Variants in TEAD3 observed in about 807,000 individuals in gnomAD.
TEAD3 encodes TEA domain transcription factor 3, also known as transcriptional enhancer factor TEF-5.
A neutral mutation model predicts 55.6 loss-of-function variants in TEAD3; 15 were observed. The ratio of observed to expected loss-of-function variants is 0.27; its 90% CI spans 0.18 to 0.42. TEAD3 has a LOEUF of 0.42. Ranked by LOEUF, TEAD3 falls within the 10% of genes least tolerant of loss-of-function variation. The pLI, the probability that TEAD3 is intolerant of heterozygous loss-of-function variation, is 1.00. For synonymous variants in TEAD3, 210 were observed against 232.2 expected, an observed-to-expected ratio of 0.90 and a Z score of 0.87; for missense variants, 407 against 576.8, an observed-to-expected ratio of 0.71 and a Z score of 3.01.
intron 1 of TEAD3, among the ~76,000 whole-genome samples, chr6:35,494,854 C>T (rs1561809586): frequency 6.8e-6 from 1 of 147,616 alleles, no homozygotes; most frequent in Admixed American, 6.7e-5. Flanking sequence ...ACCAAGCCCC[C>T]CTGTCCCTTG....
At position 35,476,551 on chromosome 6, in the gene TEAD3, C is replaced by T. The variant is rs1554123824; in HGVS notation, c.593-116G>A. The T allele has an allele frequency of 3.0e-6, 4 of 1,338,694 alleles. No homozygotes were observed. In the Admixed American group the frequency reaches 5.9e-5, roughly 20 times the overall value. The allele number at this position is 1,338,694 out of a possible 1,614,324, so 82.9% of individuals were successfully genotyped here. On this transcript the variant is annotated intron_variant, in intron 8 of 12. Transcript: ENST00000639578. ...GGAAGGAACATGAGTTGGATTTTGA[C>T]TCCCCTACTATGTGTCCTTGTACAG... is the stretch of plus-strand genomic sequence containing the variant.
chr6:35,489,832 A>G (rs1225691289), intron 1 of TEAD3, among the ~76,000 whole-genome samples: 1 of 152,184 alleles, frequency 6.6e-6, no homozygotes, highest in East Asian at 1.9e-4. Context: ...CCAGGAGTTC[A>G]AGACCAGCCT....
At chr6:35,477,837 GCTT>G (rs1444176907) in intron 7 of TEAD3, among the ~76,000 whole-genome samples, 3 of 151,688 alleles carry the variant, frequency 2.0e-5, no homozygotes, top group Non-Finnish European at 4.4e-5. Flanking sequence ...CCACTCTCCA[GCTT>G]TTTTTTTTCT....
chr6:35,496,696 G>A lies in TEAD3; in HGVS notation c.-50+202C>T, dbSNP rs192850479. On this transcript the variant is annotated intron_variant, in intron 1 of 12. Coordinates refer to ENST00000639578, the Ensembl canonical transcript of TEAD3. This position sits in a 1 kb window ranked among gnomAD's most constrained non-coding sequence, Gnocchi z 4.8. The stretch of plus-strand genomic sequence containing the variant: ...CTCGTCCCCGTCGCGGGGGGGTGGG[G>A]AGGGCGGGGGGCGGGGCTTCCCGGA... Among the ~76,000 whole-genome samples, 3,010 of 152,230 alleles carry A rather than the reference G, an allele frequency of 0.02. 50 individuals are homozygous for A. Among genetic ancestry groups the A allele is most frequent in the Middle Eastern group, 0.058 (17 of 294 alleles).
rs1355688152 is a variant in TEAD3, at chr6:35,484,961, C to T, written c.203-337G>A. On this transcript the variant is annotated intron_variant, in intron 2 of 12. Transcript: ENST00000639578. This position sits in a 1 kb window ranked among gnomAD's most constrained non-coding sequence, Gnocchi z 5.8. Reference sequence around the variant, plus strand: ...GTGGCTGTGGTACAGGTCAGCAGGACAGTAGCTGAGTAGGGCCTGTCCTGG... The same window carrying T: ...GTGGCTGTGGTACAGGTCAGCAGGATAGTAGCTGAGTAGGGCCTGTCCTGG... 6.6e-6 allele frequency among the ~76,000 whole-genome samples: 1 copy of T among 152,176 alleles called. No homozygotes were observed. Among genetic ancestry groups the T allele is most frequent in the Non-Finnish European group, 1.5e-5 (1 of 68,006 alleles).
chr6:35,479,655 T>G (rs773836414), intron 4 of TEAD3, among the ~76,000 whole-genome samples: 39 of 151,952 alleles, frequency 2.6e-4, no homozygotes, highest in Non-Finnish European at 4.9e-4. Context: ...CGTGAGGCCC[T>G]CAGAAGGGCC....
rs189600462 is a variant in TEAD3 at position 35,489,728 on chromosome 6, G to A, written c.-49-3017C>T. Reference sequence around the variant, plus strand: ...GAATTCTTGGAATAGAAATGTGAGGGGTAAACAAAATAAATATAAATAAAT... The same window carrying A: ...GAATTCTTGGAATAGAAATGTGAGGAGTAAACAAAATAAATATAAATAAAT... On this transcript the variant is annotated intron_variant, in intron 1 of 12. Coordinates refer to ENST00000639578, the Ensembl canonical transcript of TEAD3. Among the ~76,000 whole-genome samples, 266 of 152,060 alleles carry A rather than the reference G, an allele frequency of 1.7e-3. 1 individual carries two copies. The highest frequency in any genetic ancestry group is 6.0e-3 in the African/African-American group (250 of 41,464).
chr6:35,484,717 C>A lies in TEAD3; in HGVS notation c.203-93G>T. On this transcript the variant is annotated intron_variant, in intron 2 of 12. Transcript: ENST00000639578. This position sits in a 1 kb window ranked among gnomAD's most constrained non-coding sequence, Gnocchi z 5.8. ...CCCACCGGGAAGCCACTCCAGGACC[C>A]TCCCCAAAACACTGCTCTTCTGTTC... is the stretch of plus-strand genomic sequence containing the variant. 9.5e-7 allele frequency: 1 copy of A among 1,052,930 alleles called. No homozygotes were observed. The allele number at this position is 1,052,930 out of a possible 1,614,324, so 65.2% of individuals were successfully genotyped here.
Position 35,486,438 on chromosome 6 carries a change from C to T in TEAD3, c.202+23G>A, listed in dbSNP as rs1051712900. 4 of 1,598,692 alleles carry T rather than the reference C, an allele frequency of 2.5e-6. No individual in the cohort carries two copies. The highest frequency in any genetic ancestry group is 1.3e-5 in the African/African-American group (1 of 74,696). On this transcript the variant is annotated intron_variant, in intron 2 of 12. Coordinates refer to ENST00000639578, the Ensembl canonical transcript of TEAD3. The surrounding 1 kb of genome is among the most constrained non-coding windows in gnomAD (Gnocchi z 7.3). ...AGAGCAGGGGGAAGGGCCGCAGTCC[C>T]GCCCGCGCCCCCCGGCACGCACCGT...
rs1281075480 is a variant in TEAD3 at position 35,479,239 on chromosome 6, G to A, written c.342+66C>T. On this transcript the variant is annotated intron_variant, in intron 5 of 12. Coordinates refer to ENST00000639578, the Ensembl canonical transcript of TEAD3. ...AAGTTGGTTTCATAATCTGTCATTT[G>A]AAAATCCTGTATTAGGTGTTAAGAC... The A allele has an allele frequency of 2.0e-5, 32 of 1,589,430 alleles. No homozygotes were observed. In the Admixed American group the frequency reaches 2.4e-4, roughly 12 times the overall value.
rs1243458958 is a variant in TEAD3, at chr6:35,475,355, T to G, written c.1175A>C (p.Glu392Ala). Reference sequence around the variant, plus strand: ...CCATACCTGCAGGATGGTGAAGTTCTCCAGCACGCTGTTCATCATGTACTT... The same window carrying G: ...CCATACCTGCAGGATGGTGAAGTTCGCCAGCACGCTGTTCATCATGTACTT... Residue 392 changes from glutamate to alanine, a missense_variant, in exon 12 of 13, where the codon GAG (glutamate) becomes GCG (alanine). Glu to Ala is a moderately radical substitution (Grantham distance 107). Coordinates refer to ENST00000639578, the Ensembl canonical transcript of TEAD3. This position sits in a 1 kb window ranked among gnomAD's most constrained non-coding sequence, Gnocchi z 5.4. 6.2e-7 allele frequency: 1 copy of G among 1,613,956 alleles called. No homozygotes were observed. The highest frequency in any genetic ancestry group is 1.7e-5 in the Admixed American group (1 of 60,004).
In TEAD3 at chr6:35,476,560, T is replaced by C. The variant is rs1768153387; in HGVS notation, c.593-125A>G. Reference sequence around the variant, plus strand: ...ATGAGTTGGATTTTGACTCCCCTACTATGTGTCCTTGTACAGTGTACAACC... The same window carrying C: ...ATGAGTTGGATTTTGACTCCCCTACCATGTGTCCTTGTACAGTGTACAACC... On this transcript the variant is annotated intron_variant, in intron 8 of 12. Transcript: ENST00000639578. 14 of 1,147,854 alleles carry C rather than the reference T, an allele frequency of 1.2e-5. No individual in the cohort carries two copies. The Admixed American group carries it at 3.1e-4, about 25-fold the overall frequency. 71.1% of individuals were successfully genotyped at this position (1,147,854 alleles called of 1,614,324 possible).
intron 3 of TEAD3, 180 bp downstream of exon 4, chr6:35,480,132 G>GAGAA (rs763944020): frequency 6.5e-7 from 1 of 1,547,320 alleles, no homozygotes; most frequent in African/African-American, 1.4e-5. Flanking sequence ...CCTGTAGAGA[G>GAGAA]AGAAAGAAAG....
chr6:35,474,878 A>T, downstream of TEAD3: 1 of 605,016 alleles, frequency 1.7e-6, no homozygotes, highest in Non-Finnish European at 2.9e-6. Context: ...AGCGCAGAAC[A>T]GTGGCAGGGA....
chr6:35,478,481 T>C, exon 6 of TEAD3: 1 of 1,612,748 alleles, frequency 6.2e-7, no homozygotes, highest in Non-Finnish European at 8.5e-7. Context: ...GAAGGTGGGC[T>C]GAACTTGTTC....
At position 35,475,940 on chromosome 6, in the gene TEAD3, G is replaced by T; in HGVS notation, c.879C>A (p.Ala293=). The T allele has an allele frequency of 6.5e-7, 1 of 1,538,316 alleles. No individual in the cohort carries two copies. The highest frequency in any genetic ancestry group is 8.7e-7 in the Non-Finnish European group (1 of 1,145,526). ...TCACCCAGAACTTGACAAGGAAGAA[G>T]GCATTAGGGGGCCCCTTCTCATAGA... is the stretch of plus-strand genomic sequence containing the variant. The change falls in exon 10 of 13, where the codon GCC becomes GCA. Residue 293 remains alanine (A), a synonymous_variant. Transcript: ENST00000639578. The surrounding 1 kb of genome is among the most constrained non-coding windows in gnomAD (Gnocchi z 5.4).
intron 8 of TEAD3, 103 bp downstream of exon 8, chr6:35,477,208 T>G: frequency 8.0e-7 from 1 of 1,248,530 alleles, no homozygotes; most frequent in Non-Finnish European, 1.1e-6. Flanking sequence ...CCTGTAGATG[T>G]CGCAACCCCC....
In TEAD3 at chr6:35,479,183, G is replaced by A. The variant is rs906088447; in HGVS notation, c.342+122C>T. The A allele has an allele frequency of 8.5e-5, 115 of 1,349,502 alleles. 1 individual carries two copies. Among genetic ancestry groups the A allele is most frequent in the South Asian group, 3.7e-4 (29 of 78,142 alleles). 83.6% of individuals were successfully genotyped at this position (1,349,502 alleles called of 1,614,324 possible). ...GTGAGCCACCACGCCCAGCCATTTCGTTTTTTTAAAATGAGGCTTGCACAC... is the reference window on the plus strand; with the variant it reads ...GTGAGCCACCACGCCCAGCCATTTCATTTTTTTAAAATGAGGCTTGCACAC... On this transcript the variant is annotated intron_variant, in intron 5 of 12. Transcript: ENST00000639578.
rs1768522525 is a variant in TEAD3, at chr6:35,491,658, C to T, written c.-49-4947G>A. Reference sequence around the variant, plus strand: ...CAGCAGGCTGCAGACCCCCAGGGGACTCAGTCTGCCTTCACCCTCATCCTG... The same window carrying T: ...CAGCAGGCTGCAGACCCCCAGGGGATTCAGTCTGCCTTCACCCTCATCCTG... On this transcript the variant is annotated intron_variant, in intron 1 of 12. Transcript: ENST00000639578. The surrounding 1 kb of genome is among the most constrained non-coding windows in gnomAD (Gnocchi z 4.4). Among the ~76,000 whole-genome samples the T allele has an allele frequency of 6.6e-6, 1 of 152,218 alleles. No homozygotes were observed. The highest frequency in any genetic ancestry group is 1.5e-5 in the Non-Finnish European group (1 of 68,028).
Sources: gnomAD v4.1 joint callset for allele counts (sites outside exome capture counted in the v4.1 genomes callset) on GRCh38, gnomAD v4.1.1 for gene constraint, Gnocchi (gnomAD v3.1) non-coding constraint, MANE v1.5 for transcripts, NCBI Gene and HGNC (gene_info 2026-07-23, HGNC 2026-07-21) for gene names.